The following UBE2W variants were observed in gnomAD, a reference collection of about 807,000 sequenced individuals.
UBE2W encodes ubiquitin-conjugating enzyme E2 W.
A neutral mutation model predicts 27.2 loss-of-function variants in UBE2W; 18 were observed. The observed-to-expected ratio is 0.66, with a 90% CI of 0.46 to 0.98. The LOEUF is 0.98. Ranked by LOEUF, UBE2W falls within the 50% of genes least tolerant of loss-of-function variation. UBE2W has a pLI of 0.00. For synonymous variants in UBE2W, 53 were observed against 57.2 expected (o/e 0.93, Z 0.33); for missense variants, 90 against 180.2 (o/e 0.50, Z 2.87).
At chr8:73,874,793 T>C (rs149699111) in intron 1 of UBE2W, among the ~76,000 whole-genome samples, 1,998 of 152,324 alleles carry the variant, frequency 0.013, 23 homozygotes, top group Non-Finnish European at 0.019. Flanking sequence ...ACTGGGCACA[T>C]AGGCTCACGC....
chr8:73,852,978 C>A (rs574987438), intron 1 of UBE2W, among the ~76,000 whole-genome samples: 1 of 152,086 alleles, frequency 6.6e-6, no homozygotes, highest in Non-Finnish European at 1.5e-5. Context: ...TTATGTCCCT[C>A]CAAAATTCAT....
rs1808051854 is a variant in UBE2W, at chr8:73,788,404, G to A, written c.*5698C>T. ...TAGTTCTGAATAATAAAAGGAAAAT[G>A]GCACCAACTAAAACAAACAAATTCA... is the stretch of plus-strand genomic sequence containing the variant. On this transcript the variant is annotated 3_prime_UTR_variant, in exon 6 of 6. Transcript: ENST00000602593. 2.0e-6 allele frequency: 2 copies of A among 985,208 alleles called. No homozygotes were observed. Among genetic ancestry groups the A allele is most frequent in the East Asian group, 2.3e-4 (2 of 8,834 alleles). The allele number at this position is 985,208 out of a possible 1,614,324, so 61.0% of individuals were successfully genotyped here. A position where few individuals can be genotyped will look rare whatever the true frequency, so the allele number is the denominator to read the frequency against.
At chr8:73,795,672 AG>A (rs1218894784) in intron 5 of UBE2W, 4 of 586,284 alleles carry the variant, frequency 6.8e-6, no homozygotes, top group African/African-American at 2.0e-5. Context: ...AGTAATTTCA[AG>A]GGGGAAACAG....
chr8:73,815,398 C>T (rs1275380747), intron 3 of UBE2W, among the ~76,000 whole-genome samples: 1 of 151,946 alleles, frequency 6.6e-6, no homozygotes, highest in African/African-American at 2.4e-5. Context: ...AAACAAAAAA[C>T]CTCACTCAAA....
chr8:73,793,232 T>C lies in UBE2W; in HGVS notation c.*870A>G. ...AGGAAGTTAACAGAGTGTAACTTACTTGGAAAAAATCTTTAATGTACAAAT... is the reference window on the plus strand; with the variant it reads ...AGGAAGTTAACAGAGTGTAACTTACCTGGAAAAAATCTTTAATGTACAAAT... On this transcript the variant is annotated 3_prime_UTR_variant, in exon 6 of 6. Transcript: ENST00000602593. 1 of 985,634 alleles carries C rather than the reference T, an allele frequency of 1.0e-6. No homozygotes were observed. The highest frequency in any genetic ancestry group is 1.2e-6 in the Non-Finnish European group (1 of 829,896). 61.1% of individuals were successfully genotyped at this position (985,634 alleles called of 1,614,324 possible). A position where few individuals can be genotyped will look rare whatever the true frequency, so the allele number is the denominator to read the frequency against.
chr8:73,870,748 T>C (rs1254261507), intron 1 of UBE2W, among the ~76,000 whole-genome samples: 1 of 147,380 alleles, frequency 6.8e-6, no homozygotes, highest in African/African-American at 2.5e-5. Flanking sequence ...AGCGCTGGGA[T>C]GGGAGAGCTA....
Position 73,792,529 on chromosome 8 carries a change from TTGAA to T in UBE2W, c.*1569_*1572del, listed in dbSNP as rs1808247022. 1.0e-6 allele frequency: 1 copy of T among 985,536 alleles called. No homozygotes were observed. The highest frequency in any genetic ancestry group is 1.2e-6 in the Non-Finnish European group (1 of 829,728). 61.0% of individuals were successfully genotyped at this position (985,536 alleles called of 1,614,324 possible). On this transcript the variant is annotated 3_prime_UTR_variant, in exon 6 of 6. Coordinates refer to ENST00000602593, the MANE Select transcript of UBE2W (RefSeq NM_018299.6). ...TAAAATATTATTTACCAATTATTGA[TTGAA>T]TGGTTTTACTGGGGTACGTATTTCA...
chr8:73,878,262 A>T (rs898783779), intron 1 of UBE2W, among the ~76,000 whole-genome samples: 2 of 152,192 alleles, frequency 1.3e-5, no homozygotes, highest in Non-Finnish European at 2.9e-5. Context: ...AGGGAAGAAG[A>T]GAGGGACGGG....
intron 3 of UBE2W, among the ~76,000 whole-genome samples, chr8:73,819,226 T>C (rs759798537): frequency 7.2e-5 from 11 of 152,142 alleles, no homozygotes; most frequent in Admixed American, 4.6e-4. Flanking sequence ...CTTCTGTACT[T>C]TTCCCTCACC....
chr8:73,786,261 C>T lies in UBE2W; in HGVS notation c.*7841G>A, dbSNP rs1254971247. ...TTTATTTAAAAGTAGTTTTCTCAAA[C>T]TCTCTGGGATAGAAAGAGCAGGGTC... On this transcript the variant is annotated 3_prime_UTR_variant, in exon 6 of 6. Transcript: ENST00000602593. The T allele has an allele frequency of 1.0e-5, 10 of 985,308 alleles. No homozygotes were observed. The highest frequency in any genetic ancestry group is 4.7e-5 in the South Asian group (1 of 21,298). The allele number at this position is 985,308 out of a possible 1,614,324, so 61.0% of individuals were successfully genotyped here. A position where few individuals can be genotyped will look rare whatever the true frequency, so the allele number is the denominator to read the frequency against.
intron 3 of UBE2W, among the ~76,000 whole-genome samples, chr8:73,824,456 G>A (rs1248559571): frequency 6.6e-6 from 1 of 152,186 alleles, no homozygotes; most frequent in Non-Finnish European, 1.5e-5. Context: ...CCTTCCAACA[G>A]AGAACTTTTC....
intron 5 of UBE2W, among the ~76,000 whole-genome samples, chr8:73,799,296 CA>C (rs1808543628): frequency 6.6e-6 from 1 of 151,838 alleles, no homozygotes; most frequent in South Asian, 2.1e-4. Context: ...GTGGGGTAAA[CA>C]GTGACTGGCC....
downstream of UBE2W, among the ~76,000 whole-genome samples, chr8:73,782,253 G>GT (rs544672484): frequency 9.9e-3 from 1,468 of 148,402 alleles, 30 homozygotes; most frequent in African/African-American, 0.032. Flanking sequence ...GGCCAATTGT[G>GT]TTTTTTTTTT....
intron 4 of UBE2W, among the ~76,000 whole-genome samples, chr8:73,809,059 G>A (rs1374470698): frequency 5.9e-5 from 9 of 151,998 alleles, no homozygotes; most frequent in Non-Finnish European, 1.0e-4. Context: ...GTCTTTAAGC[G>A]TAACAGGAAC....
chr8:73,837,461 C>G (rs950729088), intron 1 of UBE2W, among the ~76,000 whole-genome samples: 1 of 151,890 alleles, frequency 6.6e-6, no homozygotes, highest in Non-Finnish European at 1.5e-5. Context: ...TCCAGTGAGC[C>G]AAGATCGTGC....
intron 5 of UBE2W, among the ~76,000 whole-genome samples, chr8:73,802,429 C>A (rs188457362): frequency 1.1e-3 from 163 of 152,154 alleles, no homozygotes; most frequent in African/African-American, 3.7e-3. Context: ...ATAAACATTT[C>A]AAAATTTTTT....
intron 2 of UBE2W, among the ~76,000 whole-genome samples, chr8:73,826,906 C>T (rs1338093444): frequency 6.6e-6 from 1 of 152,206 alleles, no homozygotes; most frequent in Admixed American, 6.5e-5. Flanking sequence ...AATGCAAAAG[C>T]TGCATACAAA....
chr8:73,850,968 T>C (rs1811053109), intron 1 of UBE2W, among the ~76,000 whole-genome samples: 1 of 151,936 alleles, frequency 6.6e-6, no homozygotes, highest in Admixed American at 6.6e-5. Flanking sequence ...CAGGTAATCT[T>C]CCCACCTCAG....
At chr8:73,816,798 C>T (rs1341564986) in intron 3 of UBE2W, among the ~76,000 whole-genome samples, 1 of 152,156 alleles carries the variant, frequency 6.6e-6, no homozygotes, top group East Asian at 1.9e-4. Context: ...TTTGGGAGGC[C>T]GAGGTGGGCG....
Sources: gnomAD v4.1 joint callset for allele counts (sites outside exome capture counted in the v4.1 genomes callset) on GRCh38, gnomAD v4.1.1 for gene constraint, MANE v1.5 for transcripts, NCBI Gene and HGNC (gene_info 2026-07-23, HGNC 2026-07-21) for gene names.